Variants in HPSE2 observed in about 807,000 individuals in gnomAD.
The protein encoded by HPSE2 is heparanase 2 (inactive).
Under a neutral mutation model 60.5 loss-of-function variants are expected in HPSE2, and 38 were observed. The observed-to-expected ratio is 0.63, with a 90% CI of 0.48 to 0.82. The LOEUF is 0.82. HPSE2 is among the 40% of genes least tolerant of loss of function. The pLI is 0.00. For synonymous variants in HPSE2, 295 were observed against 293.2 expected (o/e 1.01, Z -0.06); for missense variants, 713 against 740.4 (o/e 0.96, Z 0.43).
intron 3 of HPSE2, among the ~76,000 whole-genome samples, chr10:98,874,301 G>T (rs1003335018): frequency 1.3e-5 from 2 of 151,850 alleles, no homozygotes; most frequent in Non-Finnish European, 2.9e-5. Context: ...GTCCTGAATG[G>T]TATTGCCTCA....
chr10:98,714,653 TGAATATTTGC>T (rs1475286854), intron 5 of HPSE2, among the ~76,000 whole-genome samples: 1 of 151,956 alleles, frequency 6.6e-6, no homozygotes, highest in Non-Finnish European at 1.5e-5. Flanking sequence ...ACTGCTGCTA[TGAATATTTGC>T]GTACAAGTTT....
the HPSE2 span, among the ~76,000 whole-genome samples, chr10:99,315,508 A>C: frequency 6.6e-6 from 1 of 152,098 alleles, no homozygotes; most frequent in African/African-American, 2.4e-5. Context: ...CGAAGCAGTC[A>C]GGGGAGAGGT....
At chr10:98,992,418 G>A (rs1956546684) in intron 3 of HPSE2, among the ~76,000 whole-genome samples, 1 of 152,194 alleles carries the variant, frequency 6.6e-6, no homozygotes, top group Non-Finnish European at 1.5e-5. Context: ...ACACAGGCAT[G>A]TGATTATGTT....
chr10:98,497,592 G>A (rs1014266359), intron 9 of HPSE2, among the ~76,000 whole-genome samples: 5 of 151,576 alleles, frequency 3.3e-5, no homozygotes, highest in African/African-American at 1.2e-4. Flanking sequence ...TCTTATTTAG[G>A]CATATTTATT....
At chr10:98,807,023 A>T (rs1951058302) in intron 3 of HPSE2, among the ~76,000 whole-genome samples, 1 of 152,114 alleles carries the variant, frequency 6.6e-6, no homozygotes, top group Non-Finnish European at 1.5e-5. Context: ...GGCATCTGTA[A>T]TCCCAGCTAT....
intron 9 of HPSE2, among the ~76,000 whole-genome samples, chr10:98,494,213 G>A (rs1407327358): frequency 6.6e-6 from 1 of 152,162 alleles, no homozygotes; most frequent in Non-Finnish European, 1.5e-5. Context: ...GTTTTGCCAT[G>A]AGAGTATACT....
At chr10:99,076,126 T>C (rs901006194) in intron 3 of HPSE2, among the ~76,000 whole-genome samples, 8 of 152,054 alleles carry the variant, frequency 5.3e-5, no homozygotes, top group Non-Finnish European at 1.0e-4. Flanking sequence ...GTCCCTCTTC[T>C]CCTCTCTTGC....
At chr10:98,506,976 C>G (rs1942223683) in intron 9 of HPSE2, among the ~76,000 whole-genome samples, 1 of 152,182 alleles carries the variant, frequency 6.6e-6, no homozygotes, top group Non-Finnish European at 1.5e-5. Context: ...TAGGTAATAG[C>G]TGTATGCTTC....
intron 3 of HPSE2, among the ~76,000 whole-genome samples, chr10:98,967,335 T>C (rs927907546): frequency 6.6e-6 from 1 of 152,184 alleles, no homozygotes; most frequent in African/African-American, 2.4e-5. Context: ...CAAAGTCATA[T>C]TTTCTTCTTC....
At chr10:98,860,632 A>G (rs1952435098) in intron 3 of HPSE2, among the ~76,000 whole-genome samples, 1 of 152,178 alleles carries the variant, frequency 6.6e-6, no homozygotes, top group Admixed American at 6.5e-5. Context: ...TAAGTGCTAG[A>G]GCTAGGACAT....
rs563023486 is a variant in HPSE2, at chr10:98,856,947, G to A, written c.611-112891C>T. ...TGGCCAACACTCAGTGACCCGATGGGCAATCTAGTTTTTCCACAATATGGA... is the reference window on the plus strand; with the variant it reads ...TGGCCAACACTCAGTGACCCGATGGACAATCTAGTTTTTCCACAATATGGA... On this transcript the variant is annotated intron_variant, in intron 3 of 11. Coordinates refer to ENST00000370552, the MANE Select transcript of HPSE2 (RefSeq NM_021828.5). 8.5e-4 allele frequency among the ~76,000 whole-genome samples: 129 copies of A among 152,210 alleles called. 1 individual carries two copies. Among genetic ancestry groups the A allele is most frequent in the African/African-American group, 2.8e-3 (115 of 41,524 alleles).
chr10:98,831,558 C>T (rs1951683991), intron 3 of HPSE2, among the ~76,000 whole-genome samples: 2 of 152,096 alleles, frequency 1.3e-5, no homozygotes, highest in African/African-American at 4.8e-5. Flanking sequence ...CATTTTAGAC[C>T]CAGCTGGTGA....
At chr10:99,300,885 C>A in the HPSE2 span, among the ~76,000 whole-genome samples, 1 of 152,146 alleles carries the variant, frequency 6.6e-6, no homozygotes, top group Non-Finnish European at 1.5e-5. Context: ...CATCCAGGCC[C>A]TAGTAACAAA....
intron 2 of HPSE2, among the ~76,000 whole-genome samples, chr10:99,203,970 T>C (rs1211838274): frequency 2.6e-5 from 4 of 151,870 alleles, no homozygotes; most frequent in Admixed American, 1.3e-4. Context: ...AAACCCAGGC[T>C]ATAGGCCAGC....
intron 3 of HPSE2, among the ~76,000 whole-genome samples, chr10:98,796,437 G>A (rs531374418): frequency 6.6e-6 from 1 of 152,332 alleles, no homozygotes; most frequent in South Asian, 2.1e-4. Flanking sequence ...AGGCTCCTCT[G>A]CCTGTGAAAA....
chr10:99,131,705 G>A (rs2135737255), intron 3 of HPSE2, among the ~76,000 whole-genome samples: 1 of 152,238 alleles, frequency 6.6e-6, no homozygotes, highest in East Asian at 1.9e-4. Context: ...AGGATGCAAA[G>A]GCATAAGAAT....
intron 3 of HPSE2, among the ~76,000 whole-genome samples, chr10:99,047,268 T>C (rs554836264): frequency 6.6e-6 from 1 of 152,304 alleles, no homozygotes; most frequent in Admixed American, 6.5e-5. Context: ...TGGCTATCCA[T>C]ATGCAGAAGA....
At chr10:98,942,828 A>G (rs1004535548) in intron 3 of HPSE2, among the ~76,000 whole-genome samples, 14 of 151,966 alleles carry the variant, frequency 9.2e-5, no homozygotes, top group Non-Finnish European at 1.5e-4. Flanking sequence ...CTTGGAACCA[A>G]CCCAAGTGTC....
intron 7 of HPSE2, among the ~76,000 whole-genome samples, chr10:98,634,496 T>C (rs1037032996): frequency 4.0e-5 from 6 of 151,374 alleles, no homozygotes; most frequent in Non-Finnish European, 7.4e-5. Flanking sequence ...CGAGTTATTC[T>C]ATGGTGCTCA....
Sources: gnomAD v4.1 joint callset for allele counts (sites outside exome capture counted in the v4.1 genomes callset) on GRCh38, gnomAD v4.1.1 for gene constraint, MANE v1.5 for transcripts, NCBI Gene and HGNC (gene_info 2026-07-23, HGNC 2026-07-21) for gene names.